The following ZMYND11 variants were observed in gnomAD, a reference collection of about 807,000 sequenced individuals.
ZMYND11 encodes zinc finger MYND domain-containing protein 11.
Under a neutral mutation model 84.9 loss-of-function variants are expected in ZMYND11, and 9 were observed. The observed-to-expected ratio is 0.11, with a 90% CI of 0.06 to 0.18. ZMYND11 has a LOEUF of 0.18. ZMYND11 is among the 10% of genes least tolerant of loss of function. The pLI is 1.00. For synonymous variants in ZMYND11, 250 were observed against 244.1 expected, an observed-to-expected ratio of 1.02 and a Z score of -0.23; for missense variants, 409 against 761.0, an observed-to-expected ratio of 0.54 and a Z score of 5.44.
intron 7 of ZMYND11, 50 bp downstream of exon 7, chr10:239,575 A>C (rs781778601): frequency 2.4e-6 from 3 of 1,253,140 alleles, no homozygotes; most frequent in Non-Finnish European, 3.5e-6. Context: ...CACCATTTAC[A>C]TTCCATGTTG....
At chr10:208,069 G>C (rs1944507285) in intron 2 of ZMYND11, among the ~76,000 whole-genome samples, 1 of 152,256 alleles carries the variant, frequency 6.6e-6, no homozygotes, top group African/African-American at 2.4e-5. Context: ...TTTAATAAAT[G>C]GTGCTGGGAA....
intron 1 of ZMYND11, among the ~76,000 whole-genome samples, chr10:138,185 C>T (rs1258574608): frequency 7.2e-6 from 1 of 138,522 alleles, no homozygotes; most frequent in Non-Finnish European, 1.5e-5. Context: ...TCTCGGCTTA[C>T]TGCAACCCCT....
chr10:130,349 T>C (rs1554749795), upstream of ZMYND11, among the ~76,000 whole-genome samples: 1 of 152,194 alleles, frequency 6.6e-6, no homozygotes, highest in Non-Finnish European at 1.5e-5. Flanking sequence ...CATTCTTGTG[T>C]CCTTAGGTGT....
At chr10:184,283 T>G (rs1467072103) in intron 2 of ZMYND11, among the ~76,000 whole-genome samples, 1 of 152,062 alleles carries the variant, frequency 6.6e-6, no homozygotes, top group East Asian at 1.9e-4. Flanking sequence ...TGTATAGTTA[T>G]GATTATGTTA....
intron 1 of ZMYND11, among the ~76,000 whole-genome samples, chr10:147,665 T>C (rs565076082): frequency 6.7e-6 from 1 of 150,070 alleles, no homozygotes; most frequent in Admixed American, 6.7e-5. Context: ...AGTAAATGCA[T>C]CCTAGATGAA....
At chr10:211,826 T>C (rs1254763610) in intron 3 of ZMYND11, among the ~76,000 whole-genome samples, 1 of 152,186 alleles carries the variant, frequency 6.6e-6, no homozygotes, top group East Asian at 1.9e-4. Context: ...TTGCTGCCAG[T>C]GAAGAAACTT....
intron 4 of ZMYND11, among the ~76,000 whole-genome samples, chr10:235,275 C>G (rs1379605540): frequency 1.3e-5 from 2 of 152,144 alleles, no homozygotes; most frequent in South Asian, 4.1e-4. Flanking sequence ...TGGCCAAATA[C>G]TGTGCTAATA....
intron 8 of ZMYND11, among the ~76,000 whole-genome samples, 190 bp from the exon 9 acceptor site, chr10:240,703 T>G (rs565024469): frequency 6.6e-6 from 1 of 152,338 alleles, no homozygotes; most frequent in South Asian, 2.1e-4. Flanking sequence ...AGCGACATGG[T>G]TCTAAGAGGA....
Position 178,276 on chromosome 10 carries a change from A to G in ZMYND11, c.-19-1718A>G, listed in dbSNP as rs530114502. ...GGTCGCCGTTTATACAGTTTTAACTACTTCATTGTGTCTAGCACAGTGCCT... is the reference window on the plus strand; with the variant it reads ...GGTCGCCGTTTATACAGTTTTAACTGCTTCATTGTGTCTAGCACAGTGCCT... On this transcript the variant is annotated intron_variant, in intron 1 of 14. Transcript: ENST00000381604. Among the ~76,000 whole-genome samples, 109 of 152,348 alleles carry G rather than the reference A, an allele frequency of 7.2e-4. 1 individual carries two copies. The highest frequency in any genetic ancestry group is 2.5e-3 in the African/African-American group (104 of 41,580).
chr10:206,336 G>C (rs1944165249), intron 2 of ZMYND11, among the ~76,000 whole-genome samples: 1 of 152,076 alleles, frequency 6.6e-6, no homozygotes. Context: ...CTCCAGCCTG[G>C]GCAACAGAGT....
chr10:231,557 C>G (rs1205046211), intron 4 of ZMYND11, among the ~76,000 whole-genome samples: 3 of 152,118 alleles, frequency 2.0e-5, no homozygotes, highest in Non-Finnish European at 2.9e-5. Flanking sequence ...CCTGAATGCC[C>G]CTTTAAGTAA....
chr10:247,068 C>A, intron 11 of ZMYND11, 95 bp downstream of exon 11: 1 of 1,263,318 alleles, frequency 7.9e-7, no homozygotes, highest in Middle Eastern at 2.7e-4. Flanking sequence ...CAGATTTTGA[C>A]GTTCTCCTTC....
chr10:196,344 C>A (rs547663299), intron 2 of ZMYND11, among the ~76,000 whole-genome samples: 190 of 152,198 alleles, frequency 1.2e-3, no homozygotes, highest in African/African-American at 4.2e-3. Flanking sequence ...AATTTTATAT[C>A]GAAGTGAAAG....
intron 1 of ZMYND11, among the ~76,000 whole-genome samples, chr10:164,330 G>A (rs1349534031): frequency 6.6e-6 from 1 of 152,068 alleles, no homozygotes; most frequent in African/African-American, 2.4e-5. Flanking sequence ...TTCCTCATGT[G>A]TAATCTCCTT....
chr10:142,460 C>T (rs1564254553), intron 1 of ZMYND11, among the ~76,000 whole-genome samples: 2 of 152,222 alleles, frequency 1.3e-5, no homozygotes, highest in East Asian at 1.9e-4. Flanking sequence ...ATTTAGTCCT[C>T]ACAGAGGCGT....
intron 10 of ZMYND11, among the ~76,000 whole-genome samples, chr10:246,452 T>G (rs929002118): frequency 3.9e-5 from 6 of 152,232 alleles, no homozygotes; most frequent in Non-Finnish European, 7.3e-5. Context: ...CTAAGCTGAT[T>G]GAATTGTGAA....
At chr10:153,008 T>C (rs1397883249) in intron 1 of ZMYND11, among the ~76,000 whole-genome samples, 2 of 152,190 alleles carry the variant, frequency 1.3e-5, no homozygotes, top group Non-Finnish European at 2.9e-5. Flanking sequence ...ATTCCTTTAT[T>C]AAGCAAGATG....
At chr10:189,941 G>A (rs1939883762) in intron 2 of ZMYND11, among the ~76,000 whole-genome samples, 1 of 152,130 alleles carries the variant, frequency 6.6e-6, no homozygotes, top group Non-Finnish European at 1.5e-5. Flanking sequence ...AGGCAGAGAG[G>A]CGAGTCAAAG....
chr10:209,817 T>G, intron 2 of ZMYND11, 72 bp from the exon 3 acceptor site: 3 of 1,418,042 alleles, frequency 2.1e-6, no homozygotes, highest in South Asian at 1.4e-5. Flanking sequence ...ATTACCACCA[T>G]TTTCTTATTT....
Sources: allele counts gnomAD v4.1 joint callset (sites outside exome capture counted in the v4.1 genomes callset), GRCh38; gene constraint gnomAD v4.1.1; transcripts MANE v1.5; gene names NCBI Gene and HGNC (gene_info 2026-07-23, HGNC 2026-07-21).